NFIA: variants seen among roughly 807,000 people sequenced by gnomAD.
The protein encoded by NFIA is nuclear factor I A.
A neutral mutation model predicts 62.8 loss-of-function variants in NFIA; 8 were observed. The ratio of observed to expected loss-of-function variants is 0.13; its 90% CI spans 0.07 to 0.23. NFIA has a LOEUF of 0.23. Among genes scored for constraint, NFIA ranks in the 10% least tolerant of loss-of-function variants. The pLI is 1.00. For synonymous variants in NFIA, 235 were observed against 238.1 expected (o/e 0.99, Z 0.12); for missense variants, 410 against 642.1 (o/e 0.64, Z 3.91).
intron 2 of NFIA, among the ~76,000 whole-genome samples, chr1:61,161,056 A>G (rs1649165935): frequency 6.6e-6 from 1 of 152,166 alleles, no homozygotes; most frequent in Non-Finnish European, 1.5e-5. Flanking sequence ...CAGCGATTAC[A>G]GGCACTCGCC....
At chr1:61,180,225 A>T (rs1266604481) in intron 2 of NFIA, among the ~76,000 whole-genome samples, 1 of 152,002 alleles carries the variant, frequency 6.6e-6, no homozygotes, top group Non-Finnish European at 1.5e-5. Flanking sequence ...CTCAAGAGGG[A>T]ACATTAAAAA....
intron 2 of NFIA, among the ~76,000 whole-genome samples, chr1:61,156,177 T>C (rs1309488307): frequency 6.6e-6 from 1 of 152,194 alleles, no homozygotes; most frequent in East Asian, 1.9e-4. Flanking sequence ...TAAACCCTCC[T>C]GGACTCATAG....
intron 2 of NFIA, among the ~76,000 whole-genome samples, chr1:61,100,888 A>C (rs1646496020): frequency 6.6e-6 from 1 of 150,532 alleles, no homozygotes; most frequent in Non-Finnish European, 1.5e-5. Context: ...GAGCTGCCAA[A>C]CCTGGCCTAT....
intron 2 of NFIA, among the ~76,000 whole-genome samples, chr1:61,234,680 T>G (rs1336129651): frequency 6.6e-6 from 1 of 152,176 alleles, no homozygotes; most frequent in East Asian, 1.9e-4. Context: ...AAAAAAAGGT[T>G]GTGCTTTTCG....
upstream of NFIA, among the ~76,000 whole-genome samples, chr1:61,080,370 C>T (rs1238050628): frequency 6.6e-6 from 1 of 151,246 alleles, no homozygotes; most frequent in East Asian, 1.9e-4. Flanking sequence ...GAATCTTTGC[C>T]GTTTTGAAAA....
intron 3 of NFIA, among the ~76,000 whole-genome samples, chr1:61,316,849 T>G (rs976637195): frequency 6.6e-6 from 1 of 152,218 alleles, no homozygotes; most frequent in African/African-American, 2.4e-5. Context: ...CAAGACCCTT[T>G]CTTTAATGAT....
At chr1:61,303,043 G>T (rs980533992) in intron 3 of NFIA, among the ~76,000 whole-genome samples, 4 of 152,156 alleles carry the variant, frequency 2.6e-5, no homozygotes, top group Non-Finnish European at 4.4e-5. Flanking sequence ...TATTGAAATG[G>T]TTTTTTCCTA....
At chr1:61,360,752 A>G (rs539638112) in intron 6 of NFIA, among the ~76,000 whole-genome samples, 2 of 152,354 alleles carry the variant, frequency 1.3e-5, no homozygotes, top group East Asian at 1.9e-4. Flanking sequence ...ACAGTAATCT[A>G]TACAATCGTT....
chr1:61,369,437 C>T (rs1257589822), intron 6 of NFIA, among the ~76,000 whole-genome samples: 1 of 149,890 alleles, frequency 6.7e-6, no homozygotes, highest in Non-Finnish European at 1.5e-5. Context: ...ACAGAGCGAT[C>T]ATTGATAGAA....
At chr1:61,120,442 G>A (rs186476011) in intron 2 of NFIA, among the ~76,000 whole-genome samples, 4 of 152,206 alleles carry the variant, frequency 2.6e-5, no homozygotes, top group East Asian at 1.9e-4. Flanking sequence ...CAAAATCAAC[G>A]TTTGTTACTA....
intron 2 of NFIA, among the ~76,000 whole-genome samples, chr1:61,184,547 A>C (rs1452536417): frequency 6.6e-6 from 1 of 152,270 alleles, no homozygotes; most frequent in Admixed American, 6.5e-5. Context: ...CTTCTTGGCC[A>C]GAGGCCAAGG....
At chr1:61,348,829 C>T (rs191149713) in intron 4 of NFIA, among the ~76,000 whole-genome samples, 1 of 152,278 alleles carries the variant, frequency 6.6e-6, no homozygotes, top group East Asian at 1.9e-4. Flanking sequence ...GGAGTGAGGG[C>T]CAGACAGTGT....
At chr1:61,343,998 C>T (rs1245583525) in intron 4 of NFIA, among the ~76,000 whole-genome samples, 3 of 152,176 alleles carry the variant, frequency 2.0e-5, no homozygotes, top group African/African-American at 4.8e-5. Context: ...CAGCCACAGT[C>T]AGGAAACTCT....
At position 61,239,681 on chromosome 1, in the gene NFIA, T is replaced by C. The variant is rs929985785; in HGVS notation, c.560-37839T>C. 2.6e-5 allele frequency among the ~76,000 whole-genome samples: 4 copies of C among 152,152 alleles called. 1 individual carries two copies. Among genetic ancestry groups the C allele is most frequent in the African/African-American group, 4.8e-5 (2 of 41,454 alleles). ...AAAATTGTGTTGAAACAGCATCTTA[T>C]AGAGGAGCAAATGCTATGTCTTTAA... On this transcript the variant is annotated intron_variant, in intron 2 of 10. Transcript: ENST00000403491.
At chr1:61,348,625 T>G (rs1323624485) in intron 4 of NFIA, among the ~76,000 whole-genome samples, 1 of 152,170 alleles carries the variant, frequency 6.6e-6, no homozygotes, top group Non-Finnish European at 1.5e-5. Context: ...AGGCTTTTCT[T>G]TTTCTTCCCC....
At position 61,460,555 on chromosome 1, in the gene NFIA, A is replaced by T. The variant is rs11207743; in HGVS notation, c.*5235A>T. On this transcript the variant is annotated 3_prime_UTR_variant, in exon 11 of 11. Coordinates refer to ENST00000403491, the MANE Select transcript of NFIA (RefSeq NM_001134673.4). ...ACTAATCTATCTGAAGAAAAAAACTATATCAACTTTGGTATCTACTTTCCG... is the reference window on the plus strand; with the variant it reads ...ACTAATCTATCTGAAGAAAAAAACTTTATCAACTTTGGTATCTACTTTCCG... The T allele has an allele frequency of 2.0e-5, 3 of 152,226 alleles. No individual in the cohort carries two copies. The South Asian group carries it at 6.2e-4, about 32-fold the overall frequency. The allele number at this position is 152,226 out of a possible 1,614,324, so 9.4% of individuals were successfully genotyped here.
chr1:61,430,266 A>G (rs1420138151), intron 10 of NFIA, among the ~76,000 whole-genome samples: 1 of 152,238 alleles, frequency 6.6e-6, no homozygotes, highest in Non-Finnish European at 1.5e-5. Flanking sequence ...GGTACTCTGC[A>G]TACATTGGCT....
rs549082921 is a variant in NFIA at position 61,113,004 on chromosome 1, T to G, written c.559+24324T>G. The stretch of plus-strand genomic sequence containing the variant: ...TCTAGTGTTTCATTAGCCCTAAAAA[T>G]GTGATAAGATCAGGAATAAGATTGG... On this transcript the variant is annotated intron_variant, in intron 2 of 10. Transcript: ENST00000403491. 5.5e-4 allele frequency among the ~76,000 whole-genome samples: 84 copies of G among 152,304 alleles called. 1 individual carries two copies. The highest frequency in any genetic ancestry group is 2.0e-3 in the African/African-American group (83 of 41,568).
At chr1:61,372,265 CA>C (rs1473798392) in intron 6 of NFIA, among the ~76,000 whole-genome samples, 1 of 152,146 alleles carries the variant, frequency 6.6e-6, no homozygotes, top group Non-Finnish European at 1.5e-5. Flanking sequence ...GGAACTAACT[CA>C]TTTACTTAAT....
Sources: allele counts gnomAD v4.1 joint callset (sites outside exome capture counted in the v4.1 genomes callset), GRCh38; gene constraint gnomAD v4.1.1; transcripts MANE v1.5; gene names NCBI Gene and HGNC (gene_info 2026-07-23, HGNC 2026-07-21).